ROBO1: variants seen among roughly 807,000 people sequenced by gnomAD.
ROBO1 encodes the protein roundabout guidance receptor 1.
ROBO1 carries 149 observed loss-of-function variants against 195.9 expected under a neutral mutation model. The observed-to-expected ratio is 0.76, with a 90% CI of 0.67 to 0.87. The LOEUF is 0.87. ROBO1 is among the 40% of genes least tolerant of loss of function. ROBO1 has a pLI of 0.00. For missense variants in ROBO1, 1,933 were observed against 2,068.3 expected (o/e 0.93, Z 1.27); for synonymous variants, 816 against 733.2 (o/e 1.11, Z -1.82).
At chr3:79,232,394 G>A (rs1462754772) in intron 2 of ROBO1, among the ~76,000 whole-genome samples, 5 of 149,770 alleles carry the variant, frequency 3.3e-5, no homozygotes, top group African/African-American at 4.9e-5. Flanking sequence ...ATAGAGAGTC[G>A]ATCCAGGAGA....
intron 1 of ROBO1, among the ~76,000 whole-genome samples, chr3:79,644,537 T>G (rs1252447247): frequency 6.6e-6 from 1 of 152,018 alleles, no homozygotes; most frequent in Non-Finnish European, 1.5e-5. Flanking sequence ...GCAGGGGAAG[T>G]CCTCTTTTTA....
At chr3:79,544,728 G>C (rs1156271971) in intron 2 of ROBO1, among the ~76,000 whole-genome samples, 1 of 151,776 alleles carries the variant, frequency 6.6e-6, no homozygotes, top group African/African-American at 2.4e-5. Flanking sequence ...CATTAAAAAA[G>C]TCTTAGATAT....
intron 1 of ROBO1, among the ~76,000 whole-genome samples, chr3:79,667,603 A>T (rs566108975): frequency 6.6e-6 from 1 of 151,864 alleles, no homozygotes; most frequent in African/African-American, 2.4e-5. Flanking sequence ...TTTAAGTGAA[A>T]CCAGATAAAT....
At chr3:79,030,416 T>C (rs2078273946) in intron 3 of ROBO1, among the ~76,000 whole-genome samples, 1 of 152,186 alleles carries the variant, frequency 6.6e-6, no homozygotes, top group African/African-American at 2.4e-5. Context: ...GTATCTAGAC[T>C]GAGTAACTCT....
At chr3:79,582,822 C>A (rs556075036) in intron 2 of ROBO1, among the ~76,000 whole-genome samples, 271 of 152,058 alleles carry the variant, frequency 1.8e-3, no homozygotes, top group African/African-American at 6.2e-3. Flanking sequence ...AATAAGTTCT[C>A]ATCTTATACA....
At position 79,742,180 on chromosome 3, in the gene ROBO1, A is replaced by G. The variant is rs1703676032; in HGVS notation, c.-51+25572T>C. On this transcript the variant is annotated intron_variant, in intron 1 of 30. Transcript: ENST00000464233. ...CAAGCCTGCTGCACAAATTTCCATA[A>G]GTAAAGGGGAGTTGAATGTTAATAG... 7.2e-5 allele frequency among the ~76,000 whole-genome samples: 11 copies of G among 152,330 alleles called. No individual in the cohort carries two copies. In the South Asian group the frequency reaches 2.3e-3, roughly 32 times the overall value.
At chr3:79,051,145 A>C (rs1482860710) in intron 3 of ROBO1, among the ~76,000 whole-genome samples, 2 of 152,158 alleles carry the variant, frequency 1.3e-5, no homozygotes, top group Admixed American at 6.6e-5. Context: ...AGATCAAAAA[A>C]CACATAGACC....
chr3:78,960,146 C>A (rs1332113644), intron 3 of ROBO1, among the ~76,000 whole-genome samples: 2 of 151,986 alleles, frequency 1.3e-5, no homozygotes, highest in Non-Finnish European at 2.9e-5. Context: ...CCCTGCACTC[C>A]AGCATGGGTG....
chr3:79,573,208 C>A (rs1943339760), intron 2 of ROBO1, among the ~76,000 whole-genome samples: 1 of 152,078 alleles, frequency 6.6e-6, no homozygotes, highest in African/African-American at 2.4e-5. Context: ...GTCACCATGG[C>A]TGGAAAATTT....
Position 78,614,669 on chromosome 3 carries a change from G to A in ROBO1, c.4414C>T (p.Arg1472Cys), listed in dbSNP as rs370824603. Residue 1472 changes from arginine (R) to cysteine (C), a missense_variant, in exon 28 of 31, where the codon CGC becomes TGC. Arg to Cys is a radical substitution (Grantham distance 180). This residue lies in a region of ROBO1 where 1,737 missense variants were observed against 1,882.5 expected (regional missense o/e 0.92). Coordinates refer to ENST00000464233, the MANE Select transcript of ROBO1 (RefSeq NM_002941.4). ...TCACCATCTGTGTAGGTTTCTCTGC[G>A]CAGATGTCCTGGCTGGTGTTTCAGT... ...KKLKHQPGHL[R>C]RETYTDDLPP... 54 of 1,613,542 alleles carry A rather than the reference G, an allele frequency of 3.3e-5. No homozygotes were observed. The highest frequency in any genetic ancestry group is 3.3e-4 in the Middle Eastern group (2 of 6,078).
At chr3:79,335,231 T>G (rs943517178) in intron 2 of ROBO1, among the ~76,000 whole-genome samples, 16 of 152,230 alleles carry the variant, frequency 1.1e-4, no homozygotes, top group African/African-American at 3.9e-4. Flanking sequence ...ACATATATTA[T>G]TTTTTATTCA....
At chr3:78,843,916 G>T in intron 4 of ROBO1, among the ~76,000 whole-genome samples, 1 of 152,074 alleles carries the variant, frequency 6.6e-6, no homozygotes, top group East Asian at 1.9e-4. Context: ...TCATTAAGGT[G>T]CAGGCTACTG....
intron 1 of ROBO1, among the ~76,000 whole-genome samples, chr3:79,712,255 C>A (rs1424208565): frequency 1.3e-5 from 2 of 152,022 alleles, no homozygotes; most frequent in African/African-American, 4.8e-5. Context: ...AAAAAGTTAT[C>A]CAACTTGTGA....
At chr3:79,634,747 T>C (rs1945446570) in intron 1 of ROBO1, among the ~76,000 whole-genome samples, 1 of 152,182 alleles carries the variant, frequency 6.6e-6, no homozygotes, top group African/African-American at 2.4e-5. Context: ...ACAGAAGTCA[T>C]TTAATTTCCT....
At chr3:79,086,880 A>G (rs2079380789) in intron 3 of ROBO1, among the ~76,000 whole-genome samples, 1 of 152,108 alleles carries the variant, frequency 6.6e-6, no homozygotes, top group Non-Finnish European at 1.5e-5. Context: ...ATGAGGTCTT[A>G]ATTTTCTCTA....
At chr3:79,553,503 A>G (rs1435208948) in intron 2 of ROBO1, among the ~76,000 whole-genome samples, 1 of 152,072 alleles carries the variant, frequency 6.6e-6, no homozygotes, top group African/African-American at 2.4e-5. Context: ...TTCAATATCA[A>G]CTTCCAGGAA....
At chr3:79,072,241 A>T (rs2108439329) in intron 3 of ROBO1, among the ~76,000 whole-genome samples, 1 of 152,034 alleles carries the variant, frequency 6.6e-6, no homozygotes, top group East Asian at 1.9e-4. Flanking sequence ...ATTTTGTTAG[A>T]CATGTCATAG....
chr3:79,732,193 T>G (rs1475692795), intron 1 of ROBO1, among the ~76,000 whole-genome samples: 1 of 151,806 alleles, frequency 6.6e-6, no homozygotes, highest in Non-Finnish European at 1.5e-5. Context: ...AAATATACAG[T>G]AAAAATATAG....
chr3:79,450,786 A>T (rs1453289205), intron 2 of ROBO1, among the ~76,000 whole-genome samples: 5 of 151,920 alleles, frequency 3.3e-5, no homozygotes, highest in Admixed American at 2.6e-4. Flanking sequence ...AATACCCTGA[A>T]TTTCATTTTT....
Sources: gnomAD v4.1 joint callset for allele counts (sites outside exome capture counted in the v4.1 genomes callset) on GRCh38, gnomAD v4.1.1 for gene constraint, gnomAD v4.1.1 regional missense constraint, MANE v1.5 for transcripts, NCBI Gene and HGNC (gene_info 2026-07-23, HGNC 2026-07-21) for gene names.